Variants in NOVA1 observed in about 807,000 individuals in gnomAD.
The protein encoded by NOVA1 is RNA-binding protein Nova-1.
Under a neutral mutation model 38.0 loss-of-function variants are expected in NOVA1, and 7 were observed. That is an observed-to-expected ratio of 0.18 (90% CI 0.10 to 0.35). The LOEUF (loss-of-function observed/expected upper bound fraction) is 0.35, where lower values mean the gene tolerates loss of function less well. Ranked by LOEUF, NOVA1 falls within the 10% of genes least tolerant of loss-of-function variation. NOVA1 has a pLI of 1.00. For synonymous variants in NOVA1, 270 were observed against 232.5 expected, an observed-to-expected ratio of 1.16 and a Z score of -1.47; for missense variants, 460 against 616.0, an observed-to-expected ratio of 0.75 and a Z score of 2.68.
In NOVA1 at chr14:26,444,571, G is replaced by A. The variant is rs922024852; in HGVS notation, c.*3388C>T. On this transcript the variant is annotated 3_prime_UTR_variant, in exon 5 of 5. Coordinates refer to ENST00000539517, the MANE Select transcript of NOVA1 (RefSeq NM_002515.3). ...AGCTTAGATCTATTGTAAGCAATGA[G>A]TCGAAATGAGCCGTTACAGGTTAGA... 2 of 152,068 alleles carry A rather than the reference G, an allele frequency of 1.3e-5. No individual in the cohort carries two copies. The highest frequency in any genetic ancestry group is 2.9e-5 in the Non-Finnish European group (2 of 68,002). 9.4% of individuals were successfully genotyped at this position (152,068 alleles called of 1,614,324 possible). A position where few individuals can be genotyped will look rare whatever the true frequency, so the allele number is the denominator to read the frequency against.
intron 4 of NOVA1, among the ~76,000 whole-genome samples, chr14:26,471,452 TA>T (rs139950024): frequency 4.7e-4 from 72 of 151,616 alleles, no homozygotes; most frequent in Middle Eastern, 3.4e-3. Flanking sequence ...CTTTTATTAT[TA>T]AAAAAAGCAA....
intron 2 of NOVA1, chr14:26,594,607 C>A (rs1021737095): frequency 6.6e-6 from 1 of 151,982 alleles, no homozygotes. Context: ...ATTACAGAGA[C>A]TTTTCCCTTA....
At chr14:26,530,319 C>A (rs1423676161) in intron 2 of NOVA1, among the ~76,000 whole-genome samples, 1 of 152,144 alleles carries the variant, frequency 6.6e-6, no homozygotes, top group Non-Finnish European at 1.5e-5. Context: ...ATGGTATATT[C>A]ATCCTATTAA....
Position 26,597,536 on chromosome 14 carries a change from G to A in NOVA1, c.-100C>T. 8 of 965,764 alleles carry A rather than the reference G, an allele frequency of 8.3e-6. No homozygotes were observed. The highest frequency in any genetic ancestry group is 1.0e-5 in the Non-Finnish European group (8 of 802,952). 59.8% of individuals were successfully genotyped at this position (965,764 alleles called of 1,614,324 possible). The stretch of plus-strand genomic sequence containing the variant: ...TTTTTTTTTTTTTTTTTTTGCGTTT[G>A]GGGTTTCTTAAGGTTTTTTTTTTTT... On this transcript the variant is annotated 5_prime_UTR_variant, in exon 1 of 5. Coordinates refer to ENST00000539517, the MANE Select transcript of NOVA1 (RefSeq NM_002515.3).
intron 2 of NOVA1, among the ~76,000 whole-genome samples, chr14:26,510,154 G>C (rs1887960500): frequency 2.6e-5 from 4 of 152,118 alleles, no homozygotes; most frequent in Admixed American, 2.6e-4. Flanking sequence ...ACATCATTTT[G>C]GCTTTACGGT....
At chr14:26,539,047 AC>A (rs2138587850) in intron 2 of NOVA1, among the ~76,000 whole-genome samples, 1 of 152,092 alleles carries the variant, frequency 6.6e-6, no homozygotes, top group South Asian at 2.1e-4. Flanking sequence ...GCTAAAATAT[AC>A]CCCCAAGATA....
At chr14:26,593,182 T>G (rs1432717179) in intron 2 of NOVA1, 2 of 151,958 alleles carry the variant, frequency 1.3e-5, no homozygotes, top group East Asian at 3.9e-4. Context: ...CTTGATGATA[T>G]GATCACAGTT....
At chr14:26,552,935 G>A (rs1465393350) in intron 2 of NOVA1, among the ~76,000 whole-genome samples, 4 of 152,122 alleles carry the variant, frequency 2.6e-5, no homozygotes, top group African/African-American at 9.7e-5. Flanking sequence ...AGGAACATGC[G>A]ATCAAAAACT....
chr14:26,475,974 A>T (rs1884954313), intron 3 of NOVA1, among the ~76,000 whole-genome samples: 2 of 152,216 alleles, frequency 1.3e-5, no homozygotes, highest in Admixed American at 1.3e-4. Flanking sequence ...ACAGCGACGA[A>T]CAACAAATCT....
In NOVA1 at chr14:26,529,247, C is replaced by A. The variant is rs150801715; in HGVS notation, c.281-49104G>T. On this transcript the variant is annotated intron_variant, in intron 2 of 4. Coordinates refer to ENST00000539517, the MANE Select transcript of NOVA1 (RefSeq NM_002515.3). ...CCACCTCCCAGATTCAAGCATTTCT[C>A]CGGCCTCAGCCTCCCAAGTAGCTGG... Among the ~76,000 whole-genome samples the A allele has an allele frequency of 2.5e-3, 382 of 152,114 alleles. 1 individual carries two copies. Among genetic ancestry groups the A allele is most frequent in the African/African-American group, 8.7e-3 (361 of 41,516 alleles).
intron 1 of NOVA1, 104 bp downstream of exon 1, chr14:26,597,197 C>A: frequency 1.8e-6 from 2 of 1,138,732 alleles, no homozygotes; most frequent in Non-Finnish European, 2.2e-6. Context: ...GGTGTCCGGG[C>A]CGCGGGAGGG....
At chr14:26,514,003 T>C (rs573798541) in intron 2 of NOVA1, among the ~76,000 whole-genome samples, 6 of 151,864 alleles carry the variant, frequency 4.0e-5, no homozygotes, top group Admixed American at 2.0e-4. Context: ...AATTTATGAA[T>C]GTAACATTCA....
Position 26,577,553 on chromosome 14 carries a change from A to G in NOVA1, c.280+17857T>C, listed in dbSNP as rs1892938474. Reference sequence around the variant, plus strand: ...AGCAGAGTGCATTTCTGTAACATTTACTTTTGTTTCTGTTATCTTCTTTTG... The same window carrying G: ...AGCAGAGTGCATTTCTGTAACATTTGCTTTTGTTTCTGTTATCTTCTTTTG... On this transcript the variant is annotated intron_variant, in intron 2 of 4. Coordinates refer to ENST00000539517, the MANE Select transcript of NOVA1 (RefSeq NM_002515.3). 2.6e-5 allele frequency among the ~76,000 whole-genome samples: 4 copies of G among 152,192 alleles called. No homozygotes were observed. In the South Asian group the frequency reaches 8.3e-4, roughly 32 times the overall value.
intron 2 of NOVA1, among the ~76,000 whole-genome samples, chr14:26,533,263 T>C (rs1889848159): frequency 6.6e-6 from 1 of 152,230 alleles, no homozygotes. Flanking sequence ...AGTCTTTCCT[T>C]CATTTCTATC....
At chr14:26,453,164 T>TTATGTATGTATG (rs146403566) in intron 4 of NOVA1, among the ~76,000 whole-genome samples, 7 of 125,130 alleles carry the variant, frequency 5.6e-5, no homozygotes, top group African/African-American at 2.0e-4. Context: ...ACTGCTTCAA[T>TTATGTATGTATG]TATGTATGTA....
chr14:26,586,663 A>T lies in NOVA1; in HGVS notation c.280+8747T>A, dbSNP rs190003989. Among the ~76,000 whole-genome samples, 37 of 151,408 alleles carry T rather than the reference A, an allele frequency of 2.4e-4. No homozygotes were observed. In the East Asian group the frequency reaches 7.1e-3, roughly 29 times the overall value. On this transcript the variant is annotated intron_variant, in intron 2 of 4. Coordinates refer to ENST00000539517, the MANE Select transcript of NOVA1 (RefSeq NM_002515.3). ...AAAGCAAGAAAGAAAAAAAGTACAAATGAAGAAAAATAACAATGCTGCAGA... is the reference window on the plus strand; with the variant it reads ...AAAGCAAGAAAGAAAAAAAGTACAATTGAAGAAAAATAACAATGCTGCAGA...
At chr14:26,551,433 C>T (rs1264276067) in intron 2 of NOVA1, among the ~76,000 whole-genome samples, 1 of 152,024 alleles carries the variant, frequency 6.6e-6, no homozygotes, top group Non-Finnish European at 1.5e-5. Context: ...TACGTAATTT[C>T]ATAATATTAT....
At chr14:26,554,493 T>C (rs986854125) in intron 2 of NOVA1, among the ~76,000 whole-genome samples, 27 of 152,284 alleles carry the variant, frequency 1.8e-4, no homozygotes, top group Admixed American at 1.6e-3. Flanking sequence ...AATTGAGTTA[T>C]AGGTTGGCTA....
At chr14:26,475,031 A>G (rs1387709168) in intron 3 of NOVA1, among the ~76,000 whole-genome samples, 1 of 152,110 alleles carries the variant, frequency 6.6e-6, no homozygotes, top group Non-Finnish European at 1.5e-5. Context: ...CTAAAGTAAT[A>G]CTTGTAAAAG....
Sources: allele counts gnomAD v4.1 joint callset (sites outside exome capture counted in the v4.1 genomes callset), GRCh38; gene constraint gnomAD v4.1.1; transcripts MANE v1.5; gene names NCBI Gene and HGNC (gene_info 2026-07-23, HGNC 2026-07-21).